MYO1B: variants seen among roughly 807,000 people sequenced by gnomAD.
MYO1B encodes myosin IB.
A neutral mutation model predicts 159.7 loss-of-function variants in MYO1B; 72 were observed. The ratio of observed to expected loss-of-function variants is 0.45; its 90% CI spans 0.37 to 0.55. The LOEUF is 0.55. MYO1B is among the 20% of genes least tolerant of loss of function. The probability of loss-of-function intolerance (pLI) is 0.00; values close to 1 mark genes in which losing one functional copy is unlikely to be tolerated. For missense variants in MYO1B, 1,062 were observed against 1,364.8 expected (o/e 0.78, Z 3.50); for synonymous variants, 468 against 473.8 (o/e 0.99, Z 0.16).
intron 3 of MYO1B, among the ~76,000 whole-genome samples, chr2:191,299,408 G>A (rs1441096630): frequency 1.3e-5 from 2 of 152,096 alleles, no homozygotes; most frequent in Non-Finnish European, 2.9e-5. Flanking sequence ...TGCTTGTTCT[G>A]TCAGTCCTCA....
At chr2:191,377,710 C>T (rs1011113192) in intron 13 of MYO1B, 1 of 152,158 alleles carries the variant, frequency 6.6e-6, no homozygotes, top group Admixed American at 6.5e-5. Flanking sequence ...GAACTGCTGC[C>T]AGGCTATTCC....
At chr2:191,422,850 G>A (rs946972870) in intron 30 of MYO1B, among the ~76,000 whole-genome samples, 1 of 151,002 alleles carries the variant, frequency 6.6e-6, no homozygotes, top group Non-Finnish European at 1.5e-5. Flanking sequence ...TTTTTGCCGT[G>A]GAAAAATGGA....
At chr2:191,305,689 T>C (rs1430350922) in intron 3 of MYO1B, among the ~76,000 whole-genome samples, 1 of 152,190 alleles carries the variant, frequency 6.6e-6, no homozygotes, top group Non-Finnish European at 1.5e-5. Context: ...GGGCATGTCC[T>C]GGTTTGCCCT....
intron 16 of MYO1B, among the ~76,000 whole-genome samples, chr2:191,386,402 G>T (rs1695401871): frequency 6.6e-6 from 1 of 152,062 alleles, no homozygotes; most frequent in Non-Finnish European, 1.5e-5. Context: ...AGATTTGCCA[G>T]TACAAATTAA....
intron 4 of MYO1B, among the ~76,000 whole-genome samples, chr2:191,334,151 A>T (rs958179265): frequency 6.6e-6 from 1 of 151,462 alleles, no homozygotes; most frequent in Non-Finnish European, 1.5e-5. Flanking sequence ...AATTGTATCA[A>T]TTCGTTCCTA....
intron 14 of MYO1B, among the ~76,000 whole-genome samples, chr2:191,381,990 C>T (rs998919423): frequency 3.3e-5 from 5 of 152,122 alleles, no homozygotes; most frequent in African/African-American, 1.2e-4. Context: ...GTCCTTACTA[C>T]ATAGCAGGTA....
Position 191,363,817 on chromosome 2 carries a change from G to A in MYO1B, c.855G>A (p.Glu285=), listed in dbSNP as rs1035206956. 5.6e-6 allele frequency: 9 copies of A among 1,613,788 alleles called. No homozygotes were observed. Among genetic ancestry groups the A allele is most frequent in the Non-Finnish European group, 7.6e-6 (9 of 1,179,964 alleles). ...CAGTGTTGAAACTGGGGAACATTGA[G>A]TTCAAGCCCGAATCTCGAGTGAATG... ...VAAVLKLGNI[E]FKPESRVNGL... Residue 285 remains glutamate (E), a synonymous_variant, in exon 10 of 31, where the codon GAG becomes GAA. Transcript: ENST00000392318.
In MYO1B at chr2:191,370,104, T is replaced by C. The variant is rs976949653; in HGVS notation, c.1120-123T>C. The C allele has an allele frequency of 2.5e-5, 17 of 671,780 alleles. No homozygotes were observed. In the African/African-American group the frequency reaches 2.7e-4, roughly 11 times the overall value. The allele number at this position is 671,780 out of a possible 1,614,324, so 41.6% of individuals were successfully genotyped here. On this transcript the variant is annotated intron_variant, in intron 12 of 30. Transcript: ENST00000392318. The stretch of plus-strand genomic sequence containing the variant: ...TCTCATACATTTTTTAAAAAACAAC[T>C]AAATTAGTTATTTTCTTACTTAAGA...
chr2:191,394,622 A>G (rs1695953591), intron 20 of MYO1B, among the ~76,000 whole-genome samples: 1 of 152,236 alleles, frequency 6.6e-6, no homozygotes, highest in Non-Finnish European at 1.5e-5. Context: ...AAGGAAATAG[A>G]GAACTGCCAT....
intron 2 of MYO1B, among the ~76,000 whole-genome samples, chr2:191,294,490 A>G (rs550865916): frequency 6.6e-6 from 1 of 152,224 alleles, no homozygotes; most frequent in Non-Finnish European, 1.5e-5. Flanking sequence ...GCTGGAAGCT[A>G]TTCAGACAAG....
intron 3 of MYO1B, among the ~76,000 whole-genome samples, chr2:191,312,623 G>C (rs1395230236): frequency 1.3e-5 from 2 of 152,210 alleles, no homozygotes; most frequent in Admixed American, 6.5e-5. Context: ...GTTGCTTCAA[G>C]ATCAGTGGTC....
In MYO1B at chr2:191,416,016, T is replaced by C. The variant is rs1697539796; in HGVS notation, c.3160-99T>C. ...TGGGAGAATGGATTCCAGGATCTGA[T>C]GTTTTAAAGAGACTGTAAGTATGTT... On this transcript the variant is annotated intron_variant, in intron 29 of 30. Transcript: ENST00000392318. 3 of 1,270,040 alleles carry C rather than the reference T, an allele frequency of 2.4e-6. No homozygotes were observed. The South Asian group carries it at 4.4e-5, about 18-fold the overall frequency. The allele number at this position is 1,270,040 out of a possible 1,614,324, so 78.7% of individuals were successfully genotyped here. A position where few individuals can be genotyped will look rare whatever the true frequency, so the allele number is the denominator to read the frequency against.
At chr2:191,357,092 A>G (rs998084331) in intron 7 of MYO1B, among the ~76,000 whole-genome samples, 1 of 152,218 alleles carries the variant, frequency 6.6e-6, no homozygotes, top group African/African-American at 2.4e-5. Context: ...AAAATAATGA[A>G]GCTTTTATCA....
At chr2:191,368,881 C>A (rs1161621497) in intron 11 of MYO1B, among the ~76,000 whole-genome samples, 1 of 151,928 alleles carries the variant, frequency 6.6e-6, no homozygotes, top group South Asian at 2.1e-4. Context: ...GGCTGAGGCA[C>A]GAAAATCCCT....
chr2:191,395,455 C>T (rs1696012211), intron 20 of MYO1B, among the ~76,000 whole-genome samples: 2 of 152,222 alleles, frequency 1.3e-5, no homozygotes, highest in South Asian at 2.1e-4. Context: ...TCTCCCGCCT[C>T]AGAGAAGGGG....
chr2:191,409,977 T>A (rs1697162245), intron 26 of MYO1B, among the ~76,000 whole-genome samples: 1 of 152,202 alleles, frequency 6.6e-6, no homozygotes, highest in Admixed American at 6.5e-5. Context: ...CACGGTGGGC[T>A]TGTTTTTTTG....
Position 191,383,309 on chromosome 2 carries a change from C to T in MYO1B, c.1320C>T (p.Phe440=), listed in dbSNP as rs1235504125. The T allele has an allele frequency of 1.3e-6, 2 of 1,581,924 alleles. No homozygotes were observed. The highest frequency in any genetic ancestry group is 3.6e-5 in the Admixed American group (2 of 54,880). ...EDIEWTHIDY[F]NNAIICDLIE... ...TAGAATGGACTCACATTGACTACTT[C>T]AATAATGCTATCATTTGTGACCTAA... The change falls in exon 15 of 31, where the codon TTC becomes TTT. Residue 440 remains phenylalanine, a synonymous_variant. Coordinates refer to ENST00000392318, the MANE Select transcript of MYO1B (RefSeq NM_001130158.3).
intron 2 of MYO1B, among the ~76,000 whole-genome samples, chr2:191,287,109 TTATAA>T (rs1172178719): frequency 1.3e-5 from 2 of 152,188 alleles, no homozygotes; most frequent in Non-Finnish European, 2.9e-5. Flanking sequence ...ATTTATATAA[TTATAA>T]TAGGTAATAT....
chr2:191,394,198 CA>C (rs1301303094), intron 20 of MYO1B, among the ~76,000 whole-genome samples: 2 of 152,124 alleles, frequency 1.3e-5, no homozygotes, highest in African/African-American at 2.4e-5. Context: ...TGAGTCTGCC[CA>C]GCCATGTGAA....
Sources: gnomAD v4.1 joint callset for allele counts (sites outside exome capture counted in the v4.1 genomes callset) on GRCh38, gnomAD v4.1.1 for gene constraint, MANE v1.5 for transcripts, NCBI Gene and HGNC (gene_info 2026-07-23, HGNC 2026-07-21) for gene names.